Variants in ATAD5 observed in about 807,000 individuals in gnomAD.
ATAD5 encodes the protein ATPase family AAA domain containing 5.
In ATAD5, 58 loss-of-function variants were observed where a neutral mutation model predicts 176.9. The observed-to-expected ratio is 0.33, with a 90% CI of 0.27 to 0.41. The LOEUF (loss-of-function observed/expected upper bound fraction) is 0.41. Ranked by LOEUF, ATAD5 falls within the 10% of genes least tolerant of loss-of-function variation. The probability of loss-of-function intolerance (pLI) is 1.00; values close to 1 mark genes in which losing one functional copy is unlikely to be tolerated. For synonymous variants in ATAD5, 640 were observed against 712.6 expected (o/e 0.90, Z 1.62); for missense variants, 1,789 against 2,094.1 (o/e 0.85, Z 2.84).
chr17:30,884,325 C>G (rs1909186038), intron 18 of ATAD5, among the ~76,000 whole-genome samples: 1 of 151,156 alleles, frequency 6.6e-6, no homozygotes, highest in African/African-American at 2.4e-5. Flanking sequence ...CAGGCTGTGA[C>G]TGGCTTATTT....
chr17:30,860,347 A>G (rs1907553115), intron 9 of ATAD5, 86 bp from the exon 10 acceptor site: 1 of 1,444,250 alleles, frequency 6.9e-7, no homozygotes, highest in South Asian at 1.3e-5. Flanking sequence ...TAAAGTTACA[A>G]GACTATTGGA....
At chr17:30,872,068 G>A (rs1056888048) in intron 14 of ATAD5, among the ~76,000 whole-genome samples, 1 of 151,988 alleles carries the variant, frequency 6.6e-6, no homozygotes, top group Non-Finnish European at 1.5e-5. Context: ...ACAGACCACC[G>A]CACTCAGCTA....
chr17:30,840,791 A>T lies in ATAD5; in HGVS notation c.2241+10A>T. 1 of 1,586,638 alleles carries T rather than the reference A, an allele frequency of 6.3e-7. No homozygotes were observed. The highest frequency in any genetic ancestry group is 8.5e-7 in the Non-Finnish European group (1 of 1,170,998). Reference sequence around the variant, plus strand: ...ATTGTCAGAAACAGAAGTAAGTATTATAAATATCTGTTGGTATAAATTCTC... The same window carrying T: ...ATTGTCAGAAACAGAAGTAAGTATTTTAAATATCTGTTGGTATAAATTCTC... On this transcript the variant is annotated intron_variant, in intron 4 of 22. Coordinates refer to ENST00000321990, the MANE Select transcript of ATAD5 (RefSeq NM_024857.5).
rs758517798 is a variant in ATAD5, at chr17:30,857,163, A to C, written c.2793+51A>C. On this transcript the variant is annotated intron_variant, in intron 8 of 22. Coordinates refer to ENST00000321990, the MANE Select transcript of ATAD5 (RefSeq NM_024857.5). The stretch of plus-strand genomic sequence containing the variant: ...GTAGAGTGTTTCCCTTACATCTTGC[A>C]GAGGAAAAACATTTTTGGATATCTA... 6 of 1,541,372 alleles carry C rather than the reference A, an allele frequency of 3.9e-6. No homozygotes were observed. In the East Asian group the frequency reaches 1.4e-4, roughly 37 times the overall value.
At chr17:30,840,266 A>G (rs1906026958) in intron 3 of ATAD5, among the ~76,000 whole-genome samples, 1 of 151,214 alleles carries the variant, frequency 6.6e-6, no homozygotes, top group African/African-American at 2.4e-5. Flanking sequence ...TTTTCTTTAT[A>G]GTATCCAGCC....
chr17:30,835,965 A>G lies in ATAD5; in HGVS notation c.1884A>G (p.Gln628=). The change falls in exon 2 of 23, where the codon CAA becomes CAG. Residue 628 remains glutamine, a synonymous_variant. Coordinates refer to ENST00000321990, the MANE Select transcript of ATAD5 (RefSeq NM_024857.5). Reference sequence around the variant, plus strand: ...ATAGTCAACTAAAGGCTTCCACTCAAAAAGCAGCCAACTTATCGGAAAAGC... The same window carrying G: ...ATAGTCAACTAAAGGCTTCCACTCAGAAAGCAGCCAACTTATCGGAAAAGC... ...QDNSQLKAST[Q]KAANLSEKHS... The G allele has an allele frequency of 1.2e-6, 2 of 1,614,118 alleles. No homozygotes were observed. The highest frequency in any genetic ancestry group is 1.7e-6 in the Non-Finnish European group (2 of 1,180,024).
chr17:30,844,086 G>A (rs1906313274), intron 5 of ATAD5, 47 bp downstream of exon 5: 2 of 1,366,644 alleles, frequency 1.5e-6, no homozygotes, highest in South Asian at 3.5e-5. Flanking sequence ...AATGTTTTGG[G>A]GTTTTTGTTT....
intron 10 of ATAD5, chr17:30,862,958 A>T (rs1197637611): frequency 6.6e-6 from 1 of 151,834 alleles, no homozygotes; most frequent in Non-Finnish European, 1.5e-5. Flanking sequence ...TGAGAGGCCG[A>T]GGTGGGAGCA....
At chr17:30,836,195 T>C (rs1443111299) in intron 2 of ATAD5, 147 bp downstream of exon 2, 2 of 767,040 alleles carry the variant, frequency 2.6e-6, no homozygotes, top group Non-Finnish European at 1.9e-6. Context: ...TTTTTTTTCT[T>C]TGAGATGGAG....
chr17:30,893,226 C>G lies in ATAD5; in HGVS notation c.4441-68C>G. The G allele has an allele frequency of 3.4e-6, 5 of 1,473,570 alleles. No individual in the cohort carries two copies. In the South Asian group the frequency reaches 7.4e-5, roughly 22 times the overall value. The allele number at this position is 1,473,570 out of a possible 1,614,324, so 91.3% of individuals were successfully genotyped here. A position where few individuals can be genotyped will look rare whatever the true frequency, so the allele number is the denominator to read the frequency against. ...TTTAGAATAGGGATAACACTATATT[C>G]ATACAGGTAGAAAAGTATTCAAACT... On this transcript the variant is annotated intron_variant, in intron 20 of 22. Coordinates refer to ENST00000321990, the MANE Select transcript of ATAD5 (RefSeq NM_024857.5).
chr17:30,888,242 CAT>C (rs1472935355), intron 19 of ATAD5, among the ~76,000 whole-genome samples: 3 of 152,096 alleles, frequency 2.0e-5, no homozygotes, highest in African/African-American at 7.2e-5. Flanking sequence ...TAAATATGCA[CAT>C]GTCAACTTTG....
At chr17:30,875,367 G>C (rs1174675677) in intron 14 of ATAD5, among the ~76,000 whole-genome samples, 1 of 152,046 alleles carries the variant, frequency 6.6e-6, no homozygotes, top group African/African-American at 2.4e-5. Flanking sequence ...TTTACTGCAG[G>C]TCTAAATTAA....
At chr17:30,890,765 A>T in intron 19 of ATAD5, among the ~76,000 whole-genome samples, 1 of 150,856 alleles carries the variant, frequency 6.6e-6, no homozygotes. Flanking sequence ...TATACATTTC[A>T]TCCCTGCCCT....
At position 30,892,752 on chromosome 17, in the gene ATAD5, T is replaced by C. The variant is rs1380750019; in HGVS notation, c.4404T>C (p.Ile1468=). 1 of 1,578,222 alleles carries C rather than the reference T, an allele frequency of 6.3e-7. No homozygotes were observed. The highest frequency in any genetic ancestry group is 1.9e-5 in the Admixed American group (1 of 53,776). The change falls in exon 20 of 23, where the codon ATT becomes ATC. Residue 1468 remains isoleucine, a synonymous_variant. Coordinates refer to ENST00000321990, the MANE Select transcript of ATAD5 (RefSeq NM_024857.5). ...CAETLFGLKN[I]FSPSEDLFSF... The stretch of plus-strand genomic sequence containing the variant: ...AGACCTTGTTTGGCCTTAAGAACAT[T>C]TTTTCCCCATCTGAAGACTTATTTT...
chr17:30,865,373 C>T (rs985889736), intron 10 of ATAD5, among the ~76,000 whole-genome samples: 9 of 151,980 alleles, frequency 5.9e-5, no homozygotes, highest in African/African-American at 1.9e-4. Flanking sequence ...GGGGTTTCAC[C>T]GTGTTAGCCA....
intron 15 of ATAD5, 62 bp from the exon 16 acceptor site, chr17:30,877,354 A>G (rs1908736118): frequency 8.8e-7 from 1 of 1,133,626 alleles, no homozygotes; most frequent in East Asian, 2.5e-5. Context: ...TATTCTGTGG[A>G]CATATCCAAT....
At chr17:30,870,376 C>T (rs898118908) in intron 14 of ATAD5, among the ~76,000 whole-genome samples, 2 of 152,134 alleles carry the variant, frequency 1.3e-5, no homozygotes, top group African/African-American at 4.8e-5. Context: ...ATTATATCCT[C>T]ATGGTGTCAG....
Position 30,832,405 on chromosome 17 carries a change from G to T in ATAD5, c.58G>T (p.Glu20Ter). The T allele has an allele frequency of 6.4e-7, 1 of 1,563,982 alleles. No individual in the cohort carries two copies. The highest frequency in any genetic ancestry group is 8.7e-7 in the Non-Finnish European group (1 of 1,154,128). ...TGCTCCGCCTCCCGTGAAGGACTGC[G>T]AGATTGAGGTGAGGTTGAGTCGAGG... Reference protein sequence around the residue: ...AAAPPPVKDCEIEPCKKRKKD... With the variant: ...AAAPPPVKDC The change falls in exon 1 of 23, where the codon GAG (glutamate) becomes TAG (stop). Residue 20 changes from glutamate (E) to a stop codon, truncating the protein, a stop_gained. Coordinates refer to ENST00000321990, the MANE Select transcript of ATAD5 (RefSeq NM_024857.5). LOFTEE classifies it high-confidence loss of function.
Position 30,869,533 on chromosome 17 carries a change from G to A in ATAD5, c.3494G>A (p.Arg1165Lys), listed in dbSNP as rs755910306. The change falls in exon 14 of 23, where the codon AGA becomes AAA. Residue 1165 changes from arginine (R) to lysine (K), a missense_variant. Around this residue, in one of 6 missense-constraint regions of ATAD5, gnomAD observed 194 missense variants for 270.1 expected, o/e 0.72. Coordinates refer to ENST00000321990, the MANE Select transcript of ATAD5 (RefSeq NM_024857.5). ...EVNASSQRSG[R>K]QILSQLKEAT... ...AATGCCTCTTCCCAGCGCAGTGGTA[G>A]ACAAATTCTATCTCAGTTGAAGGAA... 1.2e-6 allele frequency: 2 copies of A among 1,612,790 alleles called. No individual in the cohort carries two copies. The highest frequency in any genetic ancestry group is 1.7e-6 in the Non-Finnish European group (2 of 1,179,812).
Sources: allele counts gnomAD v4.1 joint callset (sites outside exome capture counted in the v4.1 genomes callset), GRCh38; gene constraint gnomAD v4.1.1; regional missense constraint gnomAD v4.1.1; transcripts MANE v1.5; gene names NCBI Gene and HGNC (gene_info 2026-07-23, HGNC 2026-07-21).